Variants in EPHB2 observed in about 807,000 individuals in gnomAD.
The protein encoded by EPHB2 is ephrin type-B receptor 2.
EPHB2 carries 18 observed loss-of-function variants against 96.4 expected under a neutral mutation model. That is an observed-to-expected ratio of 0.19 (90% CI 0.13 to 0.28). The LOEUF (loss-of-function observed/expected upper bound fraction) is 0.28, where lower values mean the gene tolerates loss of function less well. Among genes scored for constraint, EPHB2 ranks in the 10% least tolerant of loss-of-function variants. The probability of loss-of-function intolerance (pLI) is 1.00; values close to 1 mark genes in which losing one functional copy is unlikely to be tolerated. For missense variants in EPHB2, 989 were observed against 1,355.4 expected (o/e 0.73, Z 4.25); for synonymous variants, 506 against 534.1 (o/e 0.95, Z 0.72).
intron 5 of EPHB2, among the ~76,000 whole-genome samples, chr1:22,879,130 C>T (rs1638944105): frequency 6.6e-6 from 1 of 152,162 alleles, no homozygotes. Flanking sequence ...TGGGAGGCAT[C>T]TCTCCCAGAA....
intron 3 of EPHB2, among the ~76,000 whole-genome samples, chr1:22,808,137 AAAAAG>A (rs1049354141): frequency 2.6e-5 from 4 of 151,868 alleles, no homozygotes; most frequent in East Asian, 1.9e-4. Context: ...GTCACAAAAA[AAAAAG>A]AAAAAGAAAA....
At chr1:22,822,303 C>T (rs1054442793) in intron 3 of EPHB2, among the ~76,000 whole-genome samples, 13 of 150,062 alleles carry the variant, frequency 8.7e-5, no homozygotes, top group African/African-American at 1.7e-4. Context: ...GGCAACATGG[C>T]GAAACCCCAT....
chr1:22,865,443 T>C (rs762165125), intron 5 of EPHB2, among the ~76,000 whole-genome samples: 2 of 152,234 alleles, frequency 1.3e-5, no homozygotes. Flanking sequence ...AAAGTTAAGC[T>C]GCTGTAACAA....
chr1:22,901,820 AGTGTGTGTGTGTGTGT>A (rs57503593), intron 9 of EPHB2, among the ~76,000 whole-genome samples: 1 of 148,458 alleles, frequency 6.7e-6, no homozygotes, highest in African/African-American at 2.5e-5. Context: ...TGTGTGTGTG[AGTGTGTGTGTGTGTGT>A]GTGTGTGTGT....
intron 7 of EPHB2, among the ~76,000 whole-genome samples, chr1:22,893,670 T>A (rs1387287922): frequency 2.0e-5 from 3 of 152,226 alleles, no homozygotes; most frequent in Non-Finnish European, 4.4e-5. Context: ...CCTAACTGTA[T>A]GTGCCTGAAC....
rs1318439624 is a variant in EPHB2, at chr1:22,906,405, C to T, written c.1888+296C>T. Among the ~76,000 whole-genome samples the T allele has an allele frequency of 3.3e-5, 5 of 152,130 alleles. No homozygotes were observed. The highest frequency in any genetic ancestry group is 1.2e-4 in the African/African-American group (5 of 41,420). On this transcript the variant is annotated intron_variant, in intron 10 of 15. Transcript: ENST00000374630. The surrounding 1 kb of genome is among the most constrained non-coding windows in gnomAD (Gnocchi z 4.8). Reference sequence around the variant, plus strand: ...TCTGGACTCTTGGTCCAGTGCTTTTCCTTCCTCCCCCCATGTATCCCAGTG... The same window carrying T: ...TCTGGACTCTTGGTCCAGTGCTTTTTCTTCCTCCCCCCATGTATCCCAGTG...
At chr1:22,805,564 A>T (rs534852489) in intron 3 of EPHB2, among the ~76,000 whole-genome samples, 1 of 152,088 alleles carries the variant, frequency 6.6e-6, no homozygotes, top group Non-Finnish European at 1.5e-5. Context: ...ACAACCACCC[A>T]GTCCAGACAG....
At chr1:22,892,725 A>C in intron 6 of EPHB2, 159 bp from the exon 7 acceptor site, 2 of 944,962 alleles carry the variant, frequency 2.1e-6, no homozygotes, top group East Asian at 2.4e-5. Context: ...GTAACATGGC[A>C]AAAGGCATAA....
Position 22,913,541 on chromosome 1 carries a change from A to G in EPHB2, c.2932A>G (p.Met978Val). 5 of 1,614,228 alleles carry G rather than the reference A, an allele frequency of 3.1e-6. No homozygotes were observed. Among genetic ancestry groups the G allele is most frequent in the Non-Finnish European group, 4.2e-6 (5 of 1,180,044 alleles). The change falls in exon 16 of 16, where the codon ATG (methionine) becomes GTG (valine). Residue 978 changes from methionine to valine, a missense_variant. Physicochemically the swap from Met to Val is conservative, Grantham distance 21. Coordinates refer to ENST00000374630, the MANE Select transcript of EPHB2 (RefSeq NM_017449.5). The surrounding 1 kb of genome is among the most constrained non-coding windows in gnomAD (Gnocchi z 4.1). Reference protein sequence around the residue: ...LNSIQVMRAQMNQIQSVEV With the variant: ...LNSIQVMRAQVNQIQSVEV The stretch of plus-strand genomic sequence containing the variant: ...CAGTATCCAGGTGATGCGGGCGCAG[A>G]TGAACCAGATTCAGTCTGTGGAGGT...
chr1:22,765,266 G>C (rs2148399764), intron 1 of EPHB2, among the ~76,000 whole-genome samples: 1 of 152,258 alleles, frequency 6.6e-6, no homozygotes, highest in African/African-American at 2.4e-5. Context: ...CCTGAGTCTA[G>C]CCGGGTGCAG....
intron 1 of EPHB2, among the ~76,000 whole-genome samples, chr1:22,763,301 G>A (rs964356664): frequency 6.6e-6 from 1 of 152,134 alleles, no homozygotes; most frequent in Non-Finnish European, 1.5e-5. Context: ...ACGAGTCCTG[G>A]GCAGGGTTTG....
intron 1 of EPHB2, among the ~76,000 whole-genome samples, chr1:22,725,837 A>G (rs888042611): frequency 6.6e-6 from 1 of 152,216 alleles, no homozygotes; most frequent in Non-Finnish European, 1.5e-5. Flanking sequence ...TTGAGAGCAG[A>G]CTGATGCTGG....
At chr1:22,730,952 G>A (rs1415433281) in intron 1 of EPHB2, among the ~76,000 whole-genome samples, 1 of 152,080 alleles carries the variant, frequency 6.6e-6, no homozygotes, top group Non-Finnish European at 1.5e-5. Flanking sequence ...GGTGGTGGCT[G>A]GACCAAGCGG....
At chr1:22,879,356 G>A (rs1638954335) in intron 5 of EPHB2, among the ~76,000 whole-genome samples, 1 of 152,198 alleles carries the variant, frequency 6.6e-6, no homozygotes, top group Non-Finnish European at 1.5e-5. Flanking sequence ...CTCCAGAAGG[G>A]CCTTATTTTG....
chr1:22,916,496 A>AC lies in EPHB2; in HGVS notation c.*2931dup, dbSNP rs1200186466. On this transcript the variant is annotated 3_prime_UTR_variant, in exon 16 of 16. Coordinates refer to ENST00000374630, the MANE Select transcript of EPHB2 (RefSeq NM_017449.5). The surrounding 1 kb of genome is among the most constrained non-coding windows in gnomAD (Gnocchi z 4.2). ...TACAGGCGCTGCTCACATCTCTTCC[A>AC]CCCCCACCCACCCACCCCACCCGCT... The AC allele has an allele frequency of 2.7e-5, 4 of 147,836 alleles. No homozygotes were observed. The highest frequency in any genetic ancestry group is 6.7e-5 in the Admixed American group (1 of 14,944). The allele number at this position is 147,836 out of a possible 1,614,324, so 9.2% of individuals were successfully genotyped here.
intron 5 of EPHB2, among the ~76,000 whole-genome samples, chr1:22,874,560 G>T (rs1638777106): frequency 6.6e-6 from 1 of 152,188 alleles, no homozygotes; most frequent in Non-Finnish European, 1.5e-5. Flanking sequence ...GACAGACCTG[G>T]GTCCCCATCT....
chr1:22,797,299 G>T (rs1644780146), intron 3 of EPHB2, among the ~76,000 whole-genome samples: 1 of 152,162 alleles, frequency 6.6e-6, no homozygotes, highest in South Asian at 2.1e-4. Context: ...TGTCCATGTT[G>T]CCAAGTCAGT....
At chr1:22,779,745 T>C (rs1198659947) in intron 1 of EPHB2, among the ~76,000 whole-genome samples, 1 of 152,226 alleles carries the variant, frequency 6.6e-6, no homozygotes, top group African/African-American at 2.4e-5. Flanking sequence ...AGTTGCCCTG[T>C]CTCCAAAAGG....
intron 3 of EPHB2, among the ~76,000 whole-genome samples, chr1:22,830,235 C>T (rs756322631): frequency 3.3e-5 from 5 of 152,188 alleles, no homozygotes; most frequent in Non-Finnish European, 7.3e-5. Flanking sequence ...GCCTTTGTCC[C>T]CAGAGGCTGG....
Sources: allele counts gnomAD v4.1 joint callset (sites outside exome capture counted in the v4.1 genomes callset), GRCh38; gene constraint gnomAD v4.1.1; non-coding constraint Gnocchi (gnomAD v3.1); transcripts MANE v1.5; gene names NCBI Gene and HGNC (gene_info 2026-07-23, HGNC 2026-07-21).